Variants in SCFD2 observed in about 807,000 individuals in gnomAD.
SCFD2 encodes sec1 family domain-containing protein 2.
A neutral mutation model predicts 58.9 loss-of-function variants in SCFD2; 54 were observed. The observed-to-expected ratio is 0.92, with a 90% CI of 0.74 to 1.15. SCFD2 has a LOEUF of 1.15. Ranked by LOEUF, SCFD2 falls within the 50% of genes most tolerant of loss-of-function variation. SCFD2 has a pLI of 0.00. For synonymous variants in SCFD2, 321 were observed against 335.9 expected (o/e 0.96, Z 0.49); for missense variants, 805 against 836.6 (o/e 0.96, Z 0.47).
intron 5 of SCFD2, among the ~76,000 whole-genome samples, chr4:53,119,223 C>T (rs2148890612): frequency 6.6e-6 from 1 of 152,034 alleles, no homozygotes; most frequent in African/African-American, 2.4e-5. Flanking sequence ...GAGGCTGAGG[C>T]AGGAGAATCA....
chr4:53,033,767 G>C (rs1437380705), intron 5 of SCFD2, among the ~76,000 whole-genome samples: 1 of 152,116 alleles, frequency 6.6e-6, no homozygotes, highest in African/African-American at 2.4e-5. Flanking sequence ...GTCTAAACCA[G>C]GAAGAAATCG....
chr4:53,051,949 A>C (rs1459611263), intron 5 of SCFD2, among the ~76,000 whole-genome samples: 1 of 152,200 alleles, frequency 6.6e-6, no homozygotes, highest in East Asian at 1.9e-4. Flanking sequence ...TGGTCCCTCA[A>C]TTAGATCTAA....
At chr4:53,209,152 G>A (rs1421093760) in intron 4 of SCFD2, among the ~76,000 whole-genome samples, 15 of 152,062 alleles carry the variant, frequency 9.9e-5, no homozygotes, top group Non-Finnish European at 5.9e-5. Context: ...AGGGATATAC[G>A]GTCAACCCTG....
intron 5 of SCFD2, among the ~76,000 whole-genome samples, chr4:53,008,100 CAT>C (rs1219919259): frequency 1.3e-5 from 2 of 152,180 alleles, no homozygotes; most frequent in Non-Finnish European, 2.9e-5. Context: ...TATGTACAAA[CAT>C]GTGGGCAAGG....
At chr4:53,355,186 T>C (rs1029189472) in intron 1 of SCFD2, among the ~76,000 whole-genome samples, 4 of 152,228 alleles carry the variant, frequency 2.6e-5, no homozygotes, top group African/African-American at 9.6e-5. Flanking sequence ...ATATATTCCG[T>C]TAGTTCTGTC....
At chr4:53,166,211 C>T (rs987134447) in intron 4 of SCFD2, among the ~76,000 whole-genome samples, 8 of 152,042 alleles carry the variant, frequency 5.3e-5, no homozygotes, top group East Asian at 3.9e-4. Context: ...TTTCAGATAT[C>T]GTGAATAATG....
intron 7 of SCFD2, among the ~76,000 whole-genome samples, chr4:52,893,122 T>C (rs771817724): frequency 1.6e-4 from 24 of 152,218 alleles, no homozygotes; most frequent in Non-Finnish European, 3.2e-4. Context: ...GATATTTTCC[T>C]CTTGTCGGAA....
At chr4:53,297,750 C>T (rs1029436562) in intron 3 of SCFD2, among the ~76,000 whole-genome samples, 1 of 152,090 alleles carries the variant, frequency 6.6e-6, no homozygotes, top group Non-Finnish European at 1.5e-5. Context: ...TTCAAAGCAT[C>T]GATGGTCTTT....
chr4:53,348,719 T>G (rs1734130853), intron 2 of SCFD2, among the ~76,000 whole-genome samples: 1 of 144,574 alleles, frequency 6.9e-6, no homozygotes, highest in South Asian at 2.1e-4. Context: ...ATGACCATAT[T>G]TTTTTTTTTT....
intron 4 of SCFD2, among the ~76,000 whole-genome samples, chr4:53,269,330 A>G (rs895766114): frequency 6.6e-6 from 1 of 152,134 alleles, no homozygotes; most frequent in East Asian, 1.9e-4. Context: ...TCTCAAAAAA[A>G]TTTAAAAAAG....
intron 2 of SCFD2, among the ~76,000 whole-genome samples, chr4:53,315,232 G>C (rs1312678248): frequency 6.9e-6 from 1 of 145,478 alleles, no homozygotes; most frequent in Non-Finnish European, 1.5e-5. Flanking sequence ...AACTCAATCT[G>C]GGAAGGAAAA....
intron 6 of SCFD2, among the ~76,000 whole-genome samples, chr4:52,910,717 T>A (rs550678705): frequency 6.6e-6 from 1 of 152,130 alleles, no homozygotes; most frequent in Non-Finnish European, 1.5e-5. Context: ...GTAGCTCCCA[T>A]AATCCCCACA....
intron 4 of SCFD2, among the ~76,000 whole-genome samples, chr4:53,185,685 T>C (rs1727717092): frequency 6.6e-6 from 1 of 152,134 alleles, no homozygotes; most frequent in African/African-American, 2.4e-5. Context: ...CCATAACATA[T>C]ATATCACTGT....
At chr4:52,985,330 C>A (rs2109573461) in intron 5 of SCFD2, among the ~76,000 whole-genome samples, 1 of 152,238 alleles carries the variant, frequency 6.6e-6, no homozygotes, top group South Asian at 2.1e-4. Flanking sequence ...GCAGTGAAGT[C>A]ATTTTGGTTA....
At chr4:53,132,346 C>T (rs1429544150) in intron 5 of SCFD2, among the ~76,000 whole-genome samples, 2 of 152,018 alleles carry the variant, frequency 1.3e-5, no homozygotes, top group Admixed American at 6.5e-5. Context: ...ATATGTTCTT[C>T]GTCAGAGTTT....
chr4:52,900,855 C>T (rs1719176611), intron 7 of SCFD2, among the ~76,000 whole-genome samples: 1 of 152,216 alleles, frequency 6.6e-6, no homozygotes, highest in Admixed American at 6.5e-5. Flanking sequence ...CACCCCTCCC[C>T]CAGCCTCGCT....
At chr4:52,929,373 A>G (rs936150887) in intron 5 of SCFD2, among the ~76,000 whole-genome samples, 1 of 152,206 alleles carries the variant, frequency 6.6e-6, no homozygotes, top group African/African-American at 2.4e-5. Context: ...AACCAGTTGC[A>G]CTACTTTCTA....
Position 53,338,575 on chromosome 4 carries a change from C to CTTTTTTTTTTTTTT in SCFD2, c.1007+14009_1007+14022dup, listed in dbSNP as rs56263068. 2.0e-3 allele frequency among the ~76,000 whole-genome samples: 148 copies of CTTTTTTTTTTTTTT among 72,312 alleles called. 24 individuals carry two copies. Among genetic ancestry groups the CTTTTTTTTTTTTTT allele is most frequent in the Non-Finnish European group, 2.4e-3 (97 of 40,640 alleles). The allele number at this position is 72,312 out of a possible 152,430, so 47.4% of individuals were successfully genotyped here. On this transcript the variant is annotated intron_variant, in intron 2 of 8. Coordinates refer to ENST00000401642, the MANE Select transcript of SCFD2 (RefSeq NM_152540.4). ...GGCCAAAAGAAAGCAGTATATTTTT[C>CTTTTTTTTTTTTTT]TTTTTTTTTTTTTTTTTTTTTGTGA...
intron 5 of SCFD2, among the ~76,000 whole-genome samples, chr4:53,047,156 C>T (rs1451460204): frequency 6.6e-6 from 1 of 152,162 alleles, no homozygotes; most frequent in African/African-American, 2.4e-5. Flanking sequence ...AGTGTGAAAT[C>T]CCAATTCTCA....
Sources: gnomAD v4.1 joint callset for allele counts (sites outside exome capture counted in the v4.1 genomes callset) on GRCh38, gnomAD v4.1.1 for gene constraint, MANE v1.5 for transcripts, NCBI Gene and HGNC (gene_info 2026-07-23, HGNC 2026-07-21) for gene names.